The following LIG4 variants were observed in gnomAD, a reference collection of about 807,000 sequenced individuals.
LIG4 encodes the protein DNA joinase.
In LIG4, 13 loss-of-function variants were observed where a neutral mutation model predicts 19.0. That is an observed-to-expected ratio of 0.68 (90% confidence interval 0.44 to 1.09). The LOEUF is 1.09. Among genes scored for constraint, LIG4 ranks in the 50% least tolerant of loss-of-function variants. The probability of loss-of-function intolerance (pLI) is 0.00; values close to 1 mark genes in which losing one functional copy is unlikely to be tolerated. For missense variants in LIG4, 1,026 were observed against 1,089.7 expected, an observed-to-expected ratio of 0.94 and a Z score of 0.82; for synonymous variants, 361 against 358.2, an observed-to-expected ratio of 1.01 and a Z score of -0.09.
chr13:108,218,132 C>G (rs1048228331), upstream of LIG4: 2 of 152,200 alleles, frequency 1.3e-5, no homozygotes, highest in Admixed American at 6.5e-5. Context: ...CTTAACAACC[C>G]TATCAGGCAG....
chr13:108,208,861 T>C lies in LIG4; in HGVS notation c.2408A>G (p.Tyr803Cys). The change falls in exon 3 of 3, where the codon TAT becomes TGT. Residue 803 changes from tyrosine to cysteine, a missense_variant. Transcript: ENST00000442234. ...ASLIADLEYR[Y>C]SWDCSPLSMF... ...ACTGAGAGGAGAGCAATCCCAGGAA[T>C]ACCGATATTCTAAATCAGCAATCAG... 6.2e-7 allele frequency: 1 copy of C among 1,614,146 alleles called. No individual in the cohort carries two copies. The highest frequency in any genetic ancestry group is 8.5e-7 in the Non-Finnish European group (1 of 1,180,022).
Position 108,210,357 on chromosome 13 carries a change from A to C in LIG4, c.912T>G (p.Ala304=), listed in dbSNP as rs777717002. ...GGGTAAGAGAACCTTCAGTAGGAGA[A>C]GCACCAAACTGATCAGTGTAGTTAT... ...NGYNYTDQFG[A]SPTEGSLTPF... Residue 304 remains alanine (A), a synonymous_variant, in exon 3 of 3, where the codon GCT becomes GCG. Transcript: ENST00000442234. 6.2e-7 allele frequency: 1 copy of C among 1,613,958 alleles called. No homozygotes were observed. The highest frequency in any genetic ancestry group is 1.1e-5 in the South Asian group (1 of 91,078).
At chr13:108,217,304 T>C (rs189567417), upstream of LIG4, among the ~76,000 whole-genome samples, 4 of 152,030 alleles carry the variant, frequency 2.6e-5, no homozygotes, top group Admixed American at 6.5e-5. Flanking sequence ...TCACCAGAGG[T>C]GGGGAGTTTG....
At chr13:108,214,030 A>G (rs925481567) in intron 2 of LIG4, among the ~76,000 whole-genome samples, 3 of 152,232 alleles carry the variant, frequency 2.0e-5, no homozygotes, top group Admixed American at 1.3e-4. Context: ...GCAAGCAATT[A>G]GTACACAATA....
intron 2 of LIG4, among the ~76,000 whole-genome samples, chr13:108,212,121 A>C (rs891669789): frequency 6.6e-6 from 1 of 151,886 alleles, no homozygotes; most frequent in Admixed American, 6.6e-5. Flanking sequence ...GATGTGCTAC[A>C]TACACTGTGC....
chr13:108,217,932 T>C (rs1311760526), upstream of LIG4, among the ~76,000 whole-genome samples: 2 of 152,122 alleles, frequency 1.3e-5, no homozygotes, highest in African/African-American at 4.8e-5. Flanking sequence ...GTTCCCATGG[T>C]CGTGTACCTC....
upstream of LIG4, among the ~76,000 whole-genome samples, chr13:108,217,153 C>G (rs1426291567): frequency 6.6e-6 from 1 of 151,756 alleles, no homozygotes; most frequent in African/African-American, 2.4e-5. Context: ...CTGAGGTGAG[C>G]GGATCACTTG....
rs765285519 is a variant in LIG4, at chr13:108,209,915, G to A, written c.1354C>T (p.Pro452Ser). The A allele has an allele frequency of 6.2e-7, 1 of 1,614,058 alleles. No homozygotes were observed. Among genetic ancestry groups the A allele is most frequent in the East Asian group, 2.2e-5 (1 of 44,888 alleles). Residue 452 changes from proline (P) to serine (S), a missense_variant, in exon 3 of 3, where the codon CCA (proline) becomes TCA (serine). Physicochemically the swap from Pro to Ser is moderately conservative, Grantham distance 74. Around this residue, in one of 3 missense-constraint regions of LIG4, gnomAD observed 493 missense variants for 544.5 expected, o/e 0.91. Coordinates refer to ENST00000442234, the MANE Select transcript of LIG4 (RefSeq NM_206937.2). ...KRGEGWLKIK[P>S]EYVSGLMDEL... The stretch of plus-strand genomic sequence containing the variant: ...TCCATTAGTCCACTGACATACTCTG[G>A]TTTAATTTTTAACCACCCTTCACCT...
chr13:108,210,469 C>G lies in LIG4; in HGVS notation c.800G>C (p.Ser267Thr). ...EHIEKDMKHQ[S>T]FYIETKLDGE... is the part of the protein sequence containing the mutation. ...ATCTAGCTTGGTTTCTATGTAGAAA[C>G]TCTGATGTTTCATATCCTTCTCAAT... The change falls in exon 3 of 3, where the codon AGT becomes ACT. Residue 267 changes from serine (S) to threonine (T), a missense_variant. Transcript: ENST00000442234. 6.8e-6 allele frequency: 11 copies of G among 1,613,338 alleles called. No homozygotes were observed. Among genetic ancestry groups the G allele is most frequent in the Non-Finnish European group, 9.3e-6 (11 of 1,179,954 alleles).
At chr13:108,214,677 G>C (rs1879037850) in intron 1 of LIG4, 67 bp from the exon 2 acceptor site, 6 of 152,236 alleles carry the variant, frequency 3.9e-5, no homozygotes, top group Admixed American at 3.9e-4. Flanking sequence ...GTTCCAGGGA[G>C]TCAAAAACGG....
In LIG4 at chr13:108,208,529, AG is replaced by A. The variant is rs551263548; in HGVS notation, c.*3del. The A allele has an allele frequency of 5.3e-3, 8,388 of 1,591,694 alleles. 50 individuals carry two copies. Among genetic ancestry groups the A allele is most frequent in the Non-Finnish European group, 5.7e-3 (6,600 of 1,160,500 alleles). Reference sequence around the variant, plus strand: ...AGAGGCTTTCCTCACTAGGAAACCTAGCTTTAAATCAAATACTGGTTTTCTT... The same window carrying A: ...AGAGGCTTTCCTCACTAGGAAACCTACTTTAAATCAAATACTGGTTTTCTT... On this transcript the variant is annotated 3_prime_UTR_variant, in exon 3 of 3. Transcript: ENST00000442234.
Position 108,209,916 on chromosome 13 carries a change from T to C in LIG4, c.1353A>G (p.Lys451=), listed in dbSNP as rs750628490. Residue 451 remains lysine, a synonymous_variant, in exon 3 of 3, where the codon AAA becomes AAG. Coordinates refer to ENST00000442234, the MANE Select transcript of LIG4 (RefSeq NM_206937.2). ...DKRGEGWLKI[K]PEYVSGLMDE... ...CCATTAGTCCACTGACATACTCTGG[T>C]TTAATTTTTAACCACCCTTCACCTC... 18 of 1,614,126 alleles carry C rather than the reference T, an allele frequency of 1.1e-5. No individual in the cohort carries two copies. The South Asian group carries it at 1.6e-4, about 15-fold the overall frequency.
upstream of LIG4, among the ~76,000 whole-genome samples, chr13:108,217,442 C>A (rs1879363691): frequency 6.6e-6 from 1 of 152,200 alleles, no homozygotes. Context: ...TCGCTTGAAC[C>A]CGGGAGGCGG....
chr13:108,216,984 C>T (rs1342379857), upstream of LIG4, among the ~76,000 whole-genome samples: 1 of 152,178 alleles, frequency 6.6e-6, no homozygotes, highest in African/African-American at 2.4e-5. Context: ...TTTATATATG[C>T]TTGGCACTTA....
intron 2 of LIG4, among the ~76,000 whole-genome samples, chr13:108,212,845 A>C (rs1208222852): frequency 6.6e-6 from 1 of 152,080 alleles, no homozygotes; most frequent in African/African-American, 2.4e-5. Flanking sequence ...GGTTTGCTGA[A>C]TGAATTACTG....
intron 2 of LIG4, among the ~76,000 whole-genome samples, chr13:108,213,985 C>T (rs1878939409): frequency 6.6e-6 from 1 of 152,158 alleles, no homozygotes; most frequent in Non-Finnish European, 1.5e-5. Context: ...AAGCTTCACT[C>T]TTTAACAATA....
chr13:108,208,362 ATTGTC>A lies in LIG4; in HGVS notation c.*166_*170del. ...AATTTTTCTTTCTTGGCTTTGGGCT[ATTGTC>A]TTTTCAACCTTAAAAGTTAAAATTA... is the stretch of plus-strand genomic sequence containing the variant. On this transcript the variant is annotated 3_prime_UTR_variant, in exon 3 of 3. Coordinates refer to ENST00000442234, the MANE Select transcript of LIG4 (RefSeq NM_206937.2). The A allele has an allele frequency of 1.8e-6, 1 of 569,834 alleles. No individual in the cohort carries two copies. Among genetic ancestry groups the A allele is most frequent in the South Asian group, 2.1e-5 (1 of 46,584 alleles). 35.3% of individuals were successfully genotyped at this position (569,834 alleles called of 1,614,324 possible). A position where few individuals can be genotyped will look rare whatever the true frequency, so the allele number is the denominator to read the frequency against.
intron 2 of LIG4, among the ~76,000 whole-genome samples, chr13:108,212,217 G>C (rs918071897): frequency 3.3e-5 from 5 of 151,632 alleles, no homozygotes; most frequent in Non-Finnish European, 2.9e-5. Flanking sequence ...GAAAAAAAGG[G>C]GGGGAGTGTA....
At position 108,209,130 on chromosome 13, in the gene LIG4, A is replaced by C. The variant is rs1878277031; in HGVS notation, c.2139T>G (p.Ile713Met). The change falls in exon 3 of 3, where the codon ATT (isoleucine) becomes ATG (methionine). Residue 713 changes from isoleucine (I) to methionine (M), a missense_variant. Transcript: ENST00000442234. ...GSENIRVKNI[I>M]LSNKHDVVKP... ...TGACAACATCATGTTTATTTGACAA[A>C]ATTATGTTTTTCACTCTGATGTTCT... 3 of 1,614,142 alleles carry C rather than the reference A, an allele frequency of 1.9e-6. No individual in the cohort carries two copies.
Sources: allele counts gnomAD v4.1 joint callset (sites outside exome capture counted in the v4.1 genomes callset), GRCh38; gene constraint gnomAD v4.1.1; regional missense constraint gnomAD v4.1.1; transcripts MANE v1.5; gene names NCBI Gene and HGNC (gene_info 2026-07-23, HGNC 2026-07-21).